The following RAB28 variants were observed in gnomAD, a reference collection of about 807,000 sequenced individuals.
The protein encoded by RAB28 is RAB28, member RAS oncogene family.
A neutral mutation model predicts 31.7 loss-of-function variants in RAB28; 24 were observed. The ratio of observed to expected loss-of-function variants is 0.76; its 90% CI spans 0.55 to 1.06. The LOEUF is 1.06. Ranked by LOEUF, RAB28 falls within the 50% of genes least tolerant of loss-of-function variation. The pLI is 0.00. For missense variants in RAB28, 254 were observed against 258.5 expected (o/e 0.98, Z 0.12); for synonymous variants, 100 against 90.4 (o/e 1.11, Z -0.60).
In RAB28 at chr4:13,411,549, T is replaced by C. The variant is rs182538305; in HGVS notation, c.392-29955A>G. ...AAAGTACAAGCATACTTGTGTTATT[T>C]TGGCTGAAGGCCATAGACACTGATT... On this transcript the variant is annotated intron_variant, in intron 4 of 6. Coordinates refer to ENST00000330852, the MANE Select transcript of RAB28 (RefSeq NM_001017979.3). Among the ~76,000 whole-genome samples the C allele has an allele frequency of 1.8e-3, 279 of 152,334 alleles. 3 individuals carry two copies. Among genetic ancestry groups the C allele is most frequent in the Non-Finnish European group, 1.9e-3 (129 of 68,012 alleles).
chr4:13,412,373 G>A (rs1712487446), intron 4 of RAB28, among the ~76,000 whole-genome samples: 1 of 152,060 alleles, frequency 6.6e-6, no homozygotes, highest in Admixed American at 6.6e-5. Flanking sequence ...AGGAGAAGTG[G>A]GGATCTATAC....
At chr4:13,471,349 A>G (rs1180375298) in intron 3 of RAB28, among the ~76,000 whole-genome samples, 1 of 152,148 alleles carries the variant, frequency 6.6e-6, no homozygotes, top group Non-Finnish European at 1.5e-5. Flanking sequence ...TCCAATTTAT[A>G]GTAGTAAATA....
chr4:13,381,132 T>C (rs538345447), intron 5 of RAB28, among the ~76,000 whole-genome samples: 49 of 151,968 alleles, frequency 3.2e-4, no homozygotes, highest in Non-Finnish European at 3.2e-4. Context: ...GTACAATATC[T>C]ATAATAAAGT....
At chr4:13,428,846 T>C (rs1006377905) in intron 4 of RAB28, among the ~76,000 whole-genome samples, 2 of 151,752 alleles carry the variant, frequency 1.3e-5, no homozygotes, top group African/African-American at 4.8e-5. Context: ...CACCTACATA[T>C]ATCATAATAA....
At chr4:13,372,220 C>T (rs1728742671) in intron 6 of RAB28, among the ~76,000 whole-genome samples, 1 of 152,022 alleles carries the variant, frequency 6.6e-6, no homozygotes, top group Non-Finnish European at 1.5e-5. Context: ...GATGTGTAAA[C>T]TACTAAAGAA....
chr4:13,413,892 A>C (rs960541500), intron 4 of RAB28, among the ~76,000 whole-genome samples: 2 of 152,218 alleles, frequency 1.3e-5, no homozygotes, highest in Non-Finnish European at 2.9e-5. Context: ...ATAGCTTGCC[A>C]GCTGGCCAGC....
At chr4:13,384,372 G>GTGC (rs151083323) in intron 4 of RAB28, among the ~76,000 whole-genome samples, 100 of 152,120 alleles carry the variant, frequency 6.6e-4, no homozygotes, top group East Asian at 1.7e-3. Flanking sequence ...GTACCCCACC[G>GTGC]TGCTGCTGCT....
intron 5 of RAB28, among the ~76,000 whole-genome samples, chr4:13,377,566 A>C (rs1449465303): frequency 1.3e-5 from 2 of 152,176 alleles, no homozygotes. Flanking sequence ...AGATGAAGGG[A>C]GTACAAACCA....
intron 3 of RAB28, among the ~76,000 whole-genome samples, chr4:13,471,620 G>A (rs1716126657): frequency 6.6e-6 from 1 of 151,808 alleles, no homozygotes. Context: ...TCCCATATCA[G>A]TCTCTCAAGT....
At position 13,370,937 on chromosome 4, in the gene RAB28, C is replaced by G. The variant is rs1208951938; in HGVS notation, c.574-2287G>C. ...CCATATGTGACAAATATGTATGACACAGATAACATGTTACCCAAATATTTT... is the reference window on the plus strand; with the variant it reads ...CCATATGTGACAAATATGTATGACAGAGATAACATGTTACCCAAATATTTT... On this transcript the variant is annotated intron_variant, in intron 6 of 6. Transcript: ENST00000330852. 3.1e-6 allele frequency: 3 copies of G among 973,574 alleles called. No homozygotes were observed. In the African/African-American group the frequency reaches 5.3e-5, roughly 17 times the overall value. 60.3% of individuals were successfully genotyped at this position (973,574 alleles called of 1,614,324 possible).
intron 4 of RAB28, among the ~76,000 whole-genome samples, chr4:13,386,653 T>C (rs547398507): frequency 6.6e-6 from 1 of 152,170 alleles, no homozygotes; most frequent in Non-Finnish European, 1.5e-5. Context: ...TTGGTGGAAG[T>C]ATAAATTACT....
chr4:13,384,792 C>G (rs1729292366), intron 4 of RAB28, among the ~76,000 whole-genome samples: 1 of 152,176 alleles, frequency 6.6e-6, no homozygotes, highest in Non-Finnish European at 1.5e-5. Flanking sequence ...TCTAACAACT[C>G]AAAAAGCCAG....
chr4:13,472,198 A>T (rs1716153108), intron 3 of RAB28, among the ~76,000 whole-genome samples: 1 of 151,868 alleles, frequency 6.6e-6, no homozygotes, highest in African/African-American at 2.4e-5. Context: ...TCTGGACTGA[A>T]GTGCAGTAGT....
chr4:13,439,611 T>C (rs1177164175), intron 4 of RAB28, among the ~76,000 whole-genome samples: 1 of 152,172 alleles, frequency 6.6e-6, no homozygotes, highest in Admixed American at 6.5e-5. Context: ...CCTCCCAAAG[T>C]GCTGAGATTA....
At chr4:13,469,060 C>T (rs1451499854) in intron 3 of RAB28, among the ~76,000 whole-genome samples, 1 of 151,948 alleles carries the variant, frequency 6.6e-6, no homozygotes, top group Non-Finnish European at 1.5e-5. Context: ...TAAGTACTCA[C>T]CTCTTCAGGA....
chr4:13,482,643 G>A (rs1489818264), intron 1 of RAB28, among the ~76,000 whole-genome samples: 2 of 152,084 alleles, frequency 1.3e-5, no homozygotes, highest in Admixed American at 6.5e-5. Context: ...AGTTTACTAA[G>A]TATACAAAAA....
chr4:13,442,049 C>G (rs1208182950), intron 4 of RAB28, among the ~76,000 whole-genome samples: 1 of 152,150 alleles, frequency 6.6e-6, no homozygotes, highest in East Asian at 1.9e-4. Context: ...CACACAAACT[C>G]ACCAAAAAAG....
chr4:13,386,321 C>G (rs1019759385), intron 4 of RAB28, among the ~76,000 whole-genome samples: 1 of 152,022 alleles, frequency 6.6e-6, no homozygotes, highest in Non-Finnish European at 1.5e-5. Context: ...AGTAAACAGA[C>G]AACCTACAGA....
intron 4 of RAB28, among the ~76,000 whole-genome samples, chr4:13,405,895 G>C (rs1196390727): frequency 1.3e-5 from 2 of 151,886 alleles, no homozygotes. Context: ...ATAATATATT[G>C]TAAAAGTTAT....
Sources: allele counts gnomAD v4.1 joint callset (sites outside exome capture counted in the v4.1 genomes callset), GRCh38; gene constraint gnomAD v4.1.1; transcripts MANE v1.5; gene names NCBI Gene and HGNC (gene_info 2026-07-23, HGNC 2026-07-21).